Variants in TBL1XR1 observed in about 807,000 individuals in gnomAD.
TBL1XR1 encodes the protein TBL1X/Y related 1, also known as F-box-like/WD repeat-containing protein TBL1XR1.
Under a neutral mutation model 66.9 loss-of-function variants are expected in TBL1XR1, and 5 were observed. The observed-to-expected ratio is 0.07, with a 90% CI of 0.04 to 0.16. The LOEUF is 0.16. TBL1XR1 is among the 10% of genes least tolerant of loss of function. The pLI is 1.00. For missense variants in TBL1XR1, 238 were observed against 623.2 expected (o/e 0.38, Z 6.58); for synonymous variants, 210 against 206.0 (o/e 1.02, Z -0.17).
In TBL1XR1 at chr3:177,022,214, ATGTAT is replaced by A. The variant is rs1383704110; in HGVS notation, c.*3279_*3283del. The A allele has an allele frequency of 6.6e-6, 1 of 152,582 alleles. No homozygotes were observed. The highest frequency in any genetic ancestry group is 1.5e-5 in the Non-Finnish European group (1 of 67,982). The allele number at this position is 152,582 out of a possible 1,614,324, so 9.5% of individuals were successfully genotyped here. A position where few individuals can be genotyped will look rare whatever the true frequency, so the allele number is the denominator to read the frequency against. ...GTATGTCAAAAAGCAAAAAACCTTC[ATGTAT>A]TTCAATCTAGTGATTACTTTTTGCA... On this transcript the variant is annotated 3_prime_UTR_variant, in exon 16 of 16. Transcript: ENST00000457928.
intron 1 of TBL1XR1, among the ~76,000 whole-genome samples, chr3:177,122,288 T>TAA (rs11342009): frequency 1.3e-4 from 18 of 142,898 alleles, no homozygotes; most frequent in Admixed American, 2.8e-4. Context: ...ATAAGACAGA[T>TAA]AAAAAAAAAA....
rs539591387 is a variant in TBL1XR1 at position 177,156,949 on chromosome 3, C to T, written c.-122+40172G>A. ...TTGCTAGATGATGAATTACCACAAACGTAGTAGCTTAAAACAACACAAATT... is the reference window on the plus strand; with the variant it reads ...TTGCTAGATGATGAATTACCACAAATGTAGTAGCTTAAAACAACACAAATT... On this transcript the variant is annotated intron_variant, in intron 1 of 15. Coordinates refer to ENST00000457928, the MANE Select transcript of TBL1XR1 (RefSeq NM_024665.7). 6.6e-5 allele frequency among the ~76,000 whole-genome samples: 10 copies of T among 152,308 alleles called. No individual in the cohort carries two copies. In the East Asian group the frequency reaches 1.5e-3, roughly 23 times the overall value.
intron 1 of TBL1XR1, among the ~76,000 whole-genome samples, chr3:177,146,780 T>C (rs1325411031): frequency 6.6e-6 from 1 of 151,962 alleles, no homozygotes; most frequent in Non-Finnish European, 1.5e-5. Context: ...AAAAGCTCAC[T>C]TTGTTTGAGA....
intron 2 of TBL1XR1, among the ~76,000 whole-genome samples, chr3:177,077,979 T>G (rs9835675): frequency 0.016 from 2,482 of 152,298 alleles, 87 homozygotes; most frequent in East Asian, 0.057. Flanking sequence ...CCCCAGTTTC[T>G]TCAACTGTGA....
intron 1 of TBL1XR1, among the ~76,000 whole-genome samples, chr3:177,174,548 A>C (rs1463821917): frequency 6.6e-6 from 1 of 152,036 alleles, no homozygotes; most frequent in Non-Finnish European, 1.5e-5. Flanking sequence ...CATCCCAACA[A>C]ACTCCCAATC....
intron 12 of TBL1XR1, among the ~76,000 whole-genome samples, chr3:177,036,479 C>T (rs1299132585): frequency 6.6e-6 from 1 of 152,220 alleles, no homozygotes; most frequent in African/African-American, 2.4e-5. Context: ...TGAAGAAAAG[C>T]TCTCTAACAA....
At chr3:177,079,069 C>T (rs1285173922) in intron 2 of TBL1XR1, among the ~76,000 whole-genome samples, 1 of 152,056 alleles carries the variant, frequency 6.6e-6, no homozygotes, top group East Asian at 1.9e-4. Context: ...GCATTCGTAG[C>T]ATAGGCTATT....
At chr3:177,121,612 G>A (rs561028024) in intron 1 of TBL1XR1, among the ~76,000 whole-genome samples, 1 of 152,134 alleles carries the variant, frequency 6.6e-6, no homozygotes, top group Admixed American at 6.5e-5. Context: ...AACTCCCTGA[G>A]GGAAAAGGTC....
At chr3:177,115,710 T>A (rs931855694) in intron 1 of TBL1XR1, among the ~76,000 whole-genome samples, 2 of 152,222 alleles carry the variant, frequency 1.3e-5, no homozygotes, top group Non-Finnish European at 2.9e-5. Context: ...TATCTAAAAT[T>A]TAAGCTTTTG....
chr3:177,148,627 A>G (rs556658023), intron 1 of TBL1XR1, among the ~76,000 whole-genome samples: 1 of 152,278 alleles, frequency 6.6e-6, no homozygotes, highest in South Asian at 2.1e-4. Flanking sequence ...AGGCAGGAGA[A>G]TCACTTGAAC....
At chr3:177,191,621 A>T (rs1325251629) in intron 1 of TBL1XR1, among the ~76,000 whole-genome samples, 1 of 152,200 alleles carries the variant, frequency 6.6e-6, no homozygotes, top group African/African-American at 2.4e-5. Context: ...AACATAAGAT[A>T]AGGCTCATAG....
chr3:177,130,191 A>C (rs1444911137), intron 1 of TBL1XR1, among the ~76,000 whole-genome samples: 3 of 152,008 alleles, frequency 2.0e-5, no homozygotes, highest in Non-Finnish European at 4.4e-5. Flanking sequence ...AAATACAATA[A>C]AAATGCACAT....
At position 177,046,196 on chromosome 3, in the gene TBL1XR1, TTAAAAG is replaced by T. The variant is rs774465473; in HGVS notation, c.865-13_865-8del. The T allele has an allele frequency of 2.0e-6, 3 of 1,533,214 alleles. No homozygotes were observed. In the African/African-American group the frequency reaches 4.2e-5, roughly 21 times the overall value. 95.0% of individuals were successfully genotyped at this position (1,533,214 alleles called of 1,614,324 possible). ...CGTCCCAAATAATTGTAGTCTGAGA[TTAAAAG>T]GAAAAGAAAAATAAACTCATGGAAA... On this transcript the variant is annotated splice_region_variant and splice_polypyrimidine_tract_variant and intron_variant, in intron 9 of 15. Coordinates refer to ENST00000457928, the MANE Select transcript of TBL1XR1 (RefSeq NM_024665.7).
chr3:177,103,402 C>T (rs1327956124), intron 1 of TBL1XR1, among the ~76,000 whole-genome samples: 1 of 152,082 alleles, frequency 6.6e-6, no homozygotes, highest in Non-Finnish European at 1.5e-5. Flanking sequence ...GCTTTGCTTC[C>T]AAAAATGTAT....
intron 1 of TBL1XR1, among the ~76,000 whole-genome samples, chr3:177,183,657 G>A (rs1052891150): frequency 3.3e-5 from 5 of 151,892 alleles, no homozygotes; most frequent in Admixed American, 2.0e-4. Flanking sequence ...ACAGGCACCC[G>A]CCACTACACC....
intron 1 of TBL1XR1, among the ~76,000 whole-genome samples, chr3:177,122,595 T>C (rs1232950323): frequency 2.0e-5 from 3 of 152,178 alleles, no homozygotes; most frequent in Non-Finnish European, 1.5e-5. Context: ...AATTCAGTTT[T>C]ACTGGGCTAG....
At chr3:177,166,610 G>T (rs1433655080) in intron 1 of TBL1XR1, among the ~76,000 whole-genome samples, 1 of 152,096 alleles carries the variant, frequency 6.6e-6, no homozygotes, top group African/African-American at 2.4e-5. Context: ...TGCCATGTTA[G>T]AAGTGCCTGC....
intron 1 of TBL1XR1, among the ~76,000 whole-genome samples, chr3:177,121,853 A>T (rs912372760): frequency 3.0e-4 from 44 of 148,758 alleles, no homozygotes; most frequent in African/African-American, 9.4e-4. Flanking sequence ...CTAAAGATTT[A>T]AAAAAAAAAA....
intron 14 of TBL1XR1, among the ~76,000 whole-genome samples, chr3:177,030,784 T>C (rs896730062): frequency 2.6e-5 from 4 of 152,250 alleles, no homozygotes; most frequent in Non-Finnish European, 4.4e-5. Flanking sequence ...TTCACTTTCA[T>C]CAACTCTGTA....
Sources: gnomAD v4.1 joint callset for allele counts (sites outside exome capture counted in the v4.1 genomes callset) on GRCh38, gnomAD v4.1.1 for gene constraint, MANE v1.5 for transcripts, NCBI Gene and HGNC (gene_info 2026-07-23, HGNC 2026-07-21) for gene names.